The following CRKL variants were observed in gnomAD, a reference collection of about 807,000 sequenced individuals.
The protein encoded by CRKL is crk-like protein.
In CRKL, 3 loss-of-function variants were observed where a neutral mutation model predicts 23.0. That is an observed-to-expected ratio of 0.13 (90% confidence interval 0.06 to 0.34). CRKL has a LOEUF of 0.34. CRKL is among the 10% of genes least tolerant of loss of function. CRKL has a pLI of 1.00. For missense variants in CRKL, 256 were observed against 394.5 expected, an observed-to-expected ratio of 0.65 and a Z score of 2.97; for synonymous variants, 188 against 160.7, an observed-to-expected ratio of 1.17 and a Z score of -1.28.
At chr22:20,930,664 G>A (rs1921412387) in intron 1 of CRKL, among the ~76,000 whole-genome samples, 2 of 148,424 alleles carry the variant, frequency 1.3e-5, no homozygotes, top group African/African-American at 5.0e-5. Context: ...ACAGGCGTGA[G>A]CCACCACACG....
At chr22:20,925,465 C>G (rs555709487) in intron 1 of CRKL, among the ~76,000 whole-genome samples, 1 of 151,828 alleles carries the variant, frequency 6.6e-6, no homozygotes, top group South Asian at 2.1e-4. Flanking sequence ...GCCGAGATTG[C>G]GCCAGCGCCA....
At chr22:20,948,710 G>A (rs1253387399) in intron 2 of CRKL, among the ~76,000 whole-genome samples, 2 of 152,086 alleles carry the variant, frequency 1.3e-5, no homozygotes, top group African/African-American at 4.8e-5. Context: ...GCGTTGCGCC[G>A]GCTGGTCTCA....
At chr22:20,931,223 TAGTG>T (rs781709271) in intron 1 of CRKL, among the ~76,000 whole-genome samples, 1 of 151,986 alleles carries the variant, frequency 6.6e-6, no homozygotes, top group Non-Finnish European at 1.5e-5. Flanking sequence ...CCTGAAAACA[TAGTG>T]AGACCCCCAT....
At chr22:20,931,717 G>A (rs1051710096) in intron 1 of CRKL, among the ~76,000 whole-genome samples, 2 of 152,158 alleles carry the variant, frequency 1.3e-5, no homozygotes, top group South Asian at 2.1e-4. Context: ...TTCAAAGATC[G>A]TAAACCATGC....
At chr22:20,942,933 C>T (rs113070878) in intron 2 of CRKL, among the ~76,000 whole-genome samples, 243 of 152,168 alleles carry the variant, frequency 1.6e-3, no homozygotes, top group Middle Eastern at 6.8e-3. Context: ...GAGGAACTGT[C>T]AAACTATTTT....
At chr22:20,929,807 A>G (rs187789793) in intron 1 of CRKL, among the ~76,000 whole-genome samples, 3 of 152,232 alleles carry the variant, frequency 2.0e-5, no homozygotes, top group Admixed American at 6.5e-5. Context: ...GCTATTTTCA[A>G]CCTTGCTCAA....
chr22:20,941,588 A>ATATAT (rs1247116681), intron 2 of CRKL, among the ~76,000 whole-genome samples: 5 of 33,536 alleles, frequency 1.5e-4, no homozygotes, highest in Admixed American at 5.5e-4. Context: ...GTATATATAT[A>ATATAT]TTTTTTTTTT....
intron 1 of CRKL, among the ~76,000 whole-genome samples, chr22:20,918,615 C>T (rs569226828): frequency 7.6e-6 from 1 of 132,218 alleles, no homozygotes; most frequent in Admixed American, 8.5e-5. Flanking sequence ...TTTTTTGAGA[C>T]GGAGTCTCGC....
chr22:20,933,645 G>A (rs547547776), intron 1 of CRKL, 134 bp from the exon 2 acceptor site: 2 of 748,772 alleles, frequency 2.7e-6, no homozygotes, highest in African/African-American at 1.8e-5. Flanking sequence ...TCCAGCCTGG[G>A]CGACAAGAGC....
Position 20,925,361 on chromosome 22 carries a change from G to A in CRKL, c.311+7116G>A, listed in dbSNP as rs553973825. Among the ~76,000 whole-genome samples the A allele has an allele frequency of 4.0e-5, 6 of 151,740 alleles. No individual in the cohort carries two copies. The East Asian group carries it at 1.2e-3, about 29-fold the overall frequency. ...GATTAAAATATTTTAATTCTGGGCCGGGCGTGGTGGCTCACGACTGTAATC... is the reference window on the plus strand; with the variant it reads ...GATTAAAATATTTTAATTCTGGGCCAGGCGTGGTGGCTCACGACTGTAATC... On this transcript the variant is annotated intron_variant, in intron 1 of 2. Transcript: ENST00000354336.
rs1413504645 is a variant in CRKL, at chr22:20,930,552, G to GT, written c.312-3226dup. On this transcript the variant is annotated intron_variant, in intron 1 of 2. Coordinates refer to ENST00000354336, the MANE Select transcript of CRKL (RefSeq NM_005207.4). ...ACGCCACCACACCTGGCTAACTTTT[G>GT]TATTTTTAGTAGTGACAGGGTTTTT... is the stretch of plus-strand genomic sequence containing the variant. Among the ~76,000 whole-genome samples the GT allele has an allele frequency of 2.7e-5, 4 of 148,346 alleles. No homozygotes were observed. The East Asian group carries it at 8.2e-4, about 30-fold the overall frequency.
chr22:20,930,022 A>C (rs1921380704), intron 1 of CRKL, among the ~76,000 whole-genome samples: 2 of 152,214 alleles, frequency 1.3e-5, no homozygotes, highest in South Asian at 4.1e-4. Flanking sequence ...AATTTGTGTC[A>C]GGGTTATGGC....
chr22:20,922,006 C>CT (rs66728040), intron 1 of CRKL, among the ~76,000 whole-genome samples: 942 of 69,898 alleles, frequency 0.013, 9 homozygotes, highest in African/African-American at 0.023. Flanking sequence ...CTGCGCCCGG[C>CT]TTTTTTTTTT....
At chr22:20,939,736 G>A (rs1199636295) in intron 2 of CRKL, among the ~76,000 whole-genome samples, 1 of 150,454 alleles carries the variant, frequency 6.6e-6, no homozygotes, top group Non-Finnish European at 1.5e-5. Context: ...TAGTTTTGTT[G>A]TTGGTTTGGT....
chr22:20,946,083 A>C (rs1922043432), intron 2 of CRKL, among the ~76,000 whole-genome samples: 1 of 152,224 alleles, frequency 6.6e-6, no homozygotes, highest in South Asian at 2.1e-4. Context: ...CACTCAAGTT[A>C]GAATTTATGA....
intron 1 of CRKL, among the ~76,000 whole-genome samples, chr22:20,923,816 G>T (rs1921084369): frequency 6.6e-6 from 1 of 151,364 alleles, no homozygotes; most frequent in Non-Finnish European, 1.5e-5. Context: ...GACCTCAGGG[G>T]ATCTGCTCGC....
Position 20,917,722 on chromosome 22 carries a change from C to G in CRKL, c.-213C>G. 1.7e-6 allele frequency: 1 copy of G among 590,124 alleles called. No homozygotes were observed. The allele number at this position is 590,124 out of a possible 1,614,324, so 36.6% of individuals were successfully genotyped here. A position where few individuals can be genotyped will look rare whatever the true frequency, so the allele number is the denominator to read the frequency against. The stretch of plus-strand genomic sequence containing the variant: ...CTCTGCCGTGCATTCCCGGGCGGCT[C>G]TCTCCGTGTGGCGGCCCCGGAGCAG... On this transcript the variant is annotated 5_prime_UTR_variant, in exon 1 of 3. Transcript: ENST00000354336.
intron 2 of CRKL, among the ~76,000 whole-genome samples, chr22:20,947,676 ATTTTTTTTTT>A (rs59126952): frequency 3.3e-5 from 3 of 90,526 alleles, no homozygotes; most frequent in East Asian, 3.4e-4. Flanking sequence ...TCTTTTTTTC[ATTTTTTTTTT>A]TTTTTTTTTT....
Position 20,917,510 on chromosome 22 carries a change from G to T in CRKL, c.-425G>T, listed in dbSNP as rs752194635. On this transcript the variant is annotated 5_prime_UTR_variant, in exon 1 of 3. Transcript: ENST00000354336. ...GGAACAAGCTGGGCAAAAGCACCCC[G>T]GAGGCGCGACGCTCCTTCGAGTTCG... 3.9e-6 allele frequency: 1 copy of T among 255,776 alleles called. No homozygotes were observed. Among genetic ancestry groups the T allele is most frequent in the African/African-American group, 2.2e-5 (1 of 45,868 alleles). The allele number at this position is 255,776 out of a possible 1,614,324, so 15.8% of individuals were successfully genotyped here. A position where few individuals can be genotyped will look rare whatever the true frequency, so the allele number is the denominator to read the frequency against.
Sources: allele counts gnomAD v4.1 joint callset (sites outside exome capture counted in the v4.1 genomes callset), GRCh38; gene constraint gnomAD v4.1.1; transcripts MANE v1.5; gene names NCBI Gene and HGNC (gene_info 2026-07-23, HGNC 2026-07-21).